The following AGBL1 variants were observed in gnomAD, a reference collection of about 807,000 sequenced individuals.
AGBL1 encodes AGBL carboxypeptidase 1, also known as cytosolic carboxypeptidase 4.
Under a neutral mutation model 118.9 loss-of-function variants are expected in AGBL1, and 130 were observed. The observed-to-expected ratio is 1.09, with a 90% confidence interval of 0.95 to 1.26. AGBL1 has a LOEUF of 1.26. Among genes scored for constraint, AGBL1 ranks in the 50% most tolerant of loss-of-function variants. The probability of loss-of-function intolerance (pLI) is 0.00; values close to 1 mark genes in which losing one functional copy is unlikely to be tolerated. For missense variants in AGBL1, 1,584 were observed against 1,298.1 expected (o/e 1.22, Z -3.38); for synonymous variants, 555 against 478.9 (o/e 1.16, Z -2.08).
rs12907438 is a variant in AGBL1, at chr15:86,238,787, C to A, written c.527-8884C>A. 2.0e-5 allele frequency among the ~76,000 whole-genome samples: 3 copies of A among 151,970 alleles called. No individual in the cohort carries two copies. The East Asian group carries it at 5.8e-4, about 29-fold the overall frequency. ...CTCAGAAGAGTTTCGAGTCTTGTGG[C>A]GCCTTCTATGTTTATTTTTCAAATT... On this transcript the variant is annotated intron_variant, in intron 6 of 22. Coordinates refer to ENST00000614907, the MANE Select transcript of AGBL1 (RefSeq NM_001386094.1).
chr15:86,566,117 T>C (rs1362952660), intron 21 of AGBL1, among the ~76,000 whole-genome samples: 10 of 152,060 alleles, frequency 6.6e-5, no homozygotes, highest in Admixed American at 6.6e-4. Flanking sequence ...GCTCACCTCG[T>C]TGGGCTGCAC....
intron 21 of AGBL1, among the ~76,000 whole-genome samples, chr15:86,641,161 G>A (rs1596330165): frequency 6.6e-6 from 1 of 151,912 alleles, no homozygotes; most frequent in East Asian, 1.9e-4. Context: ...TTGCCTTCAA[G>A]ATTTTGTATA....
chr15:86,182,860 G>C (rs770090892), intron 5 of AGBL1, among the ~76,000 whole-genome samples: 1 of 152,116 alleles, frequency 6.6e-6, no homozygotes, highest in African/African-American at 2.4e-5. Flanking sequence ...TACATGTGGC[G>C]TTTGCAGTTT....
intron 17 of AGBL1, among the ~76,000 whole-genome samples, chr15:86,383,974 TATA>T (rs1250337552): frequency 6.6e-6 from 1 of 152,240 alleles, no homozygotes; most frequent in Non-Finnish European, 1.5e-5. Flanking sequence ...CTTAGTGCTT[TATA>T]ATATGTCTAA....
chr15:86,225,531 G>T (rs2078348034), intron 6 of AGBL1, among the ~76,000 whole-genome samples: 1 of 152,170 alleles, frequency 6.6e-6, no homozygotes, highest in Non-Finnish European at 1.5e-5. Flanking sequence ...GATTGCAAAA[G>T]AATAGCTCTG....
chr15:86,690,424 TTAA>T (rs1006356729), intron 22 of AGBL1, among the ~76,000 whole-genome samples: 4 of 152,176 alleles, frequency 2.6e-5, no homozygotes, highest in African/African-American at 9.6e-5. Flanking sequence ...ACATGTCATC[TTAA>T]TAAAGAAATC....
At chr15:86,780,467 T>A in intron 22 of AGBL1, among the ~76,000 whole-genome samples, 1 of 152,196 alleles carries the variant, frequency 6.6e-6, no homozygotes, top group Non-Finnish European at 1.5e-5. Context: ...TGCATTTTCA[T>A]GTAAAAATTT....
chr15:86,638,768 C>A (rs1275904479), intron 21 of AGBL1, among the ~76,000 whole-genome samples: 3 of 152,158 alleles, frequency 2.0e-5, no homozygotes, highest in Non-Finnish European at 4.4e-5. Flanking sequence ...TAACAAATCA[C>A]TGCAAAACTC....
chr15:86,282,118 C>A (rs181624967), intron 16 of AGBL1, among the ~76,000 whole-genome samples: 1 of 152,196 alleles, frequency 6.6e-6, no homozygotes, highest in East Asian at 1.9e-4. Flanking sequence ...ACCTTCTGGG[C>A]ACAGTTTCAG....
intron 22 of AGBL1, among the ~76,000 whole-genome samples, chr15:86,875,637 T>A (rs2079796198): frequency 6.6e-6 from 1 of 152,216 alleles, no homozygotes; most frequent in Admixed American, 6.5e-5. Flanking sequence ...AAGAAATTAA[T>A]GTTTGCATAG....
At chr15:86,631,208 T>C (rs949791669) in intron 21 of AGBL1, 4 of 151,780 alleles carry the variant, frequency 2.6e-5, no homozygotes, top group African/African-American at 7.2e-5. Flanking sequence ...AAGGGAGGAG[T>C]TATTCATCTC....
chr15:86,165,512 A>G (rs1202870683), intron 5 of AGBL1, among the ~76,000 whole-genome samples: 2 of 152,126 alleles, frequency 1.3e-5, no homozygotes, highest in Non-Finnish European at 2.9e-5. Context: ...ATTCCATGAG[A>G]TCATGAGTGA....
intron 19 of AGBL1, among the ~76,000 whole-genome samples, chr15:86,539,397 C>G (rs2083465530): frequency 6.6e-6 from 1 of 152,162 alleles, no homozygotes; most frequent in Non-Finnish European, 1.5e-5. Context: ...ATACTTATAT[C>G]TGGTGCCTTA....
chr15:86,835,795 G>A (rs75527135), intron 22 of AGBL1, among the ~76,000 whole-genome samples: 2,463 of 152,234 alleles, frequency 0.016, 25 homozygotes, highest in Middle Eastern at 0.034. Context: ...GCATTAGCTG[G>A]GAAGGAGGTA....
chr15:86,499,054 C>T (rs1035528813), intron 18 of AGBL1, among the ~76,000 whole-genome samples: 4 of 151,820 alleles, frequency 2.6e-5, no homozygotes, highest in Admixed American at 2.6e-4. Context: ...TACTTCTTTA[C>T]CCAATTCCAC....
chr15:86,127,502 T>A (rs2076761969), intron 1 of AGBL1, among the ~76,000 whole-genome samples: 1 of 152,148 alleles, frequency 6.6e-6, no homozygotes, highest in Non-Finnish European at 1.5e-5. Context: ...TGGAAGGTGA[T>A]CCCAGGTAGC....
chr15:86,787,343 G>C (rs932285527), intron 22 of AGBL1, among the ~76,000 whole-genome samples: 1 of 151,974 alleles, frequency 6.6e-6, no homozygotes, highest in African/African-American at 2.4e-5. Context: ...TAGATCTCTA[G>C]ACTTATTCAT....
chr15:86,361,307 G>T (rs1018171186), intron 17 of AGBL1, among the ~76,000 whole-genome samples: 4 of 152,010 alleles, frequency 2.6e-5, no homozygotes, highest in East Asian at 1.9e-4. Flanking sequence ...GTTCATAAAA[G>T]ATATTTGGAA....
intron 24 of AGBL1, among the ~76,000 whole-genome samples, chr15:87,015,633 C>T (rs1264694558): frequency 6.6e-6 from 1 of 152,082 alleles, no homozygotes; most frequent in Admixed American, 6.6e-5. Flanking sequence ...AACAGATGTG[C>T]ATAAATAAAT....
Sources: gnomAD v4.1 joint callset for allele counts (sites outside exome capture counted in the v4.1 genomes callset) on GRCh38, gnomAD v4.1.1 for gene constraint, MANE v1.5 for transcripts, NCBI Gene and HGNC (gene_info 2026-07-23, HGNC 2026-07-21) for gene names.